Variants in SV2C observed in about 807,000 individuals in gnomAD.
SV2C encodes the protein solute carrier family 22 member B3.
A neutral mutation model predicts 79.7 loss-of-function variants in SV2C; 49 were observed. The ratio of observed to expected loss-of-function variants is 0.61; its 90% CI spans 0.49 to 0.78. The LOEUF is 0.78. SV2C is among the 30% of genes least tolerant of loss of function. The probability of loss-of-function intolerance (pLI) is 0.00; values close to 1 mark genes in which losing one functional copy is unlikely to be tolerated. For missense variants in SV2C, 833 were observed against 912.9 expected (o/e 0.91, Z 1.13); for synonymous variants, 334 against 333.2 (o/e 1.00, Z -0.03).
intron 12 of SV2C, among the ~76,000 whole-genome samples, chr5:76,309,888 A>T (rs1250008892): frequency 6.6e-6 from 1 of 152,074 alleles, no homozygotes; most frequent in East Asian, 1.9e-4. Flanking sequence ...CACAGGAGGG[A>T]CAGTGGGTCT....
At chr5:76,025,285 C>T in the SV2C span, among the ~76,000 whole-genome samples, 113 of 151,800 alleles carry the variant, frequency 7.4e-4, no homozygotes, top group African/African-American at 2.7e-3. Context: ...AGAGACAGAG[C>T]AGATGGCTGA....
intron 2 of SV2C, among the ~76,000 whole-genome samples, chr5:76,141,049 G>C (rs1274549208): frequency 6.6e-6 from 1 of 152,180 alleles, no homozygotes; most frequent in East Asian, 1.9e-4. Flanking sequence ...TTATGGTCCT[G>C]GATCTTATTT....
intron 4 of SV2C, among the ~76,000 whole-genome samples, chr5:76,234,225 C>T (rs1409621743): frequency 6.6e-6 from 1 of 152,146 alleles, no homozygotes; most frequent in Non-Finnish European, 1.5e-5. Flanking sequence ...AGAACTGCCT[C>T]ACACAGCAAT....
intron 1 of SV2C, among the ~76,000 whole-genome samples, chr5:76,086,129 C>T (rs1001367875): frequency 2.6e-5 from 4 of 152,134 alleles, no homozygotes; most frequent in African/African-American, 9.7e-5. Flanking sequence ...AGCAGACTGG[C>T]CTAACAGCTT....
chr5:75,963,441 C>A, the SV2C span, among the ~76,000 whole-genome samples: 23 of 152,216 alleles, frequency 1.5e-4, no homozygotes, highest in Admixed American at 2.6e-4. Context: ...TTCAAATGAT[C>A]TTTTTACAAT....
chr5:76,080,709 T>C (rs1580249364), upstream of SV2C, among the ~76,000 whole-genome samples: 1 of 152,210 alleles, frequency 6.6e-6, no homozygotes, highest in South Asian at 2.1e-4. Flanking sequence ...ACACCCTGCA[T>C]TGAGGAACAA....
intron 4 of SV2C, among the ~76,000 whole-genome samples, chr5:76,255,976 A>T (rs1746251971): frequency 6.6e-6 from 1 of 152,186 alleles, no homozygotes. Context: ...TTAAAAATCA[A>T]TAAAGGGGAC....
intron 12 of SV2C, among the ~76,000 whole-genome samples, chr5:76,349,063 A>G (rs920656681): frequency 6.6e-6 from 1 of 152,170 alleles, no homozygotes; most frequent in Non-Finnish European, 1.5e-5. Context: ...ATACTCTATC[A>G]TGTCTAACTA....
At chr5:76,109,828 G>C (rs1197070552) in intron 1 of SV2C, among the ~76,000 whole-genome samples, 1 of 152,136 alleles carries the variant, frequency 6.6e-6, no homozygotes, top group East Asian at 1.9e-4. Flanking sequence ...TTAGCCTCCA[G>C]GATAGGTGAG....
rs542490225 is a variant in SV2C, at chr5:76,254,513, A to G, written c.914-30649A>G. ...CTCTTTTAGCCCTTATGAACTGCCT[A>G]TTTTCCATGGAAATTTCCAGGCATG... On this transcript the variant is annotated intron_variant, in intron 4 of 12. Coordinates refer to ENST00000502798, the MANE Select transcript of SV2C (RefSeq NM_014979.4). 8.6e-4 allele frequency among the ~76,000 whole-genome samples: 131 copies of G among 152,106 alleles called. 1 individual carries two copies. Among genetic ancestry groups the G allele is most frequent in the Non-Finnish European group, 1.6e-3 (108 of 68,012 alleles).
At chr5:76,304,425 C>A (rs905697590) in intron 12 of SV2C, among the ~76,000 whole-genome samples, 1 of 152,182 alleles carries the variant, frequency 6.6e-6, no homozygotes, top group East Asian at 1.9e-4. Context: ...AAAATCCCAA[C>A]CAGTTGAGAC....
chr5:76,281,343 T>G (rs2112489969), intron 4 of SV2C: 1 of 354,780 alleles, frequency 2.8e-6, no homozygotes, highest in East Asian at 7.3e-5. Context: ...GATTTAAAAT[T>G]TACTTTGTTT....
intron 12 of SV2C, among the ~76,000 whole-genome samples, chr5:76,349,272 G>A (rs1427846948): frequency 6.6e-6 from 1 of 152,214 alleles, no homozygotes; most frequent in African/African-American, 2.4e-5. Flanking sequence ...AGCACTTTGG[G>A]AGGCCAAGGC....
chr5:75,920,736 A>G, the SV2C span: 1 of 771,652 alleles, frequency 1.3e-6, no homozygotes. Context: ...CGTCTCCTTG[A>G]AGGTGCGGTT....
At chr5:76,194,651 A>G (rs1437174036) in intron 2 of SV2C, among the ~76,000 whole-genome samples, 3 of 152,174 alleles carry the variant, frequency 2.0e-5, no homozygotes, top group East Asian at 3.9e-4. Context: ...AACATTCACC[A>G]TTCACTGTAG....
chr5:76,124,827 A>G (rs772255341), intron 1 of SV2C, among the ~76,000 whole-genome samples: 18 of 152,174 alleles, frequency 1.2e-4, no homozygotes, highest in Non-Finnish European at 1.8e-4. Context: ...ATTGGTATGC[A>G]TTGGTCCAGT....
chr5:75,959,819 G>T, the SV2C span, among the ~76,000 whole-genome samples: 1 of 151,854 alleles, frequency 6.6e-6, no homozygotes, highest in Non-Finnish European at 1.5e-5. Flanking sequence ...TTCCTGTAGA[G>T]GTAAAAGGAA....
intron 4 of SV2C, among the ~76,000 whole-genome samples, chr5:76,252,385 G>T (rs1193284941): frequency 6.6e-6 from 1 of 152,218 alleles, no homozygotes; most frequent in African/African-American, 2.4e-5. Context: ...GCCTCCCAAA[G>T]TGCTGGGATT....
At chr5:76,043,716 T>C in the SV2C span, among the ~76,000 whole-genome samples, 2 of 152,228 alleles carry the variant, frequency 1.3e-5, no homozygotes. Context: ...TTATTTTTAA[T>C]GTTTCCAGTG....
Sources: gnomAD v4.1 joint callset for allele counts (sites outside exome capture counted in the v4.1 genomes callset) on GRCh38, gnomAD v4.1.1 for gene constraint, MANE v1.5 for transcripts, NCBI Gene and HGNC (gene_info 2026-07-23, HGNC 2026-07-21) for gene names.